The following COMMD10 variants were observed in gnomAD, a reference collection of about 807,000 sequenced individuals.
COMMD10 encodes COMM domain-containing protein 10.
COMMD10 carries 33 observed loss-of-function variants against 28.9 expected under a neutral mutation model. The ratio of observed to expected loss-of-function variants is 1.14; its 90% CI spans 0.87 to 1.53. The LOEUF is 1.53. Ranked by LOEUF, COMMD10 falls within the 40% of genes most tolerant of loss-of-function variation. COMMD10 has a pLI of 0.00. For synonymous variants in COMMD10, 110 were observed against 81.7 expected (o/e 1.35, Z -1.87); for missense variants, 310 against 233.4 (o/e 1.33, Z -2.14).
At chr5:116,168,590 C>G (rs1434721374) in intron 5 of COMMD10, among the ~76,000 whole-genome samples, 1 of 152,162 alleles carries the variant, frequency 6.6e-6, no homozygotes, top group South Asian at 2.1e-4. Context: ...GGAAGTAAAA[C>G]AGTCCTCAGC....
chr5:116,264,731 G>A (rs1231914098), intron 5 of COMMD10, among the ~76,000 whole-genome samples: 2 of 151,766 alleles, frequency 1.3e-5, no homozygotes, highest in African/African-American at 4.9e-5. Context: ...GCTTGATGGA[G>A]AGATATACCA....
chr5:116,086,867 C>G (rs1024227861), intron 1 of COMMD10, among the ~76,000 whole-genome samples: 1 of 151,964 alleles, frequency 6.6e-6, no homozygotes, highest in African/African-American at 2.4e-5. Flanking sequence ...GTTCTAGCTA[C>G]TTGGGAGGCT....
chr5:116,177,668 T>G (rs1753561134), intron 5 of COMMD10, among the ~76,000 whole-genome samples: 1 of 152,156 alleles, frequency 6.6e-6, no homozygotes, highest in African/African-American at 2.4e-5. Context: ...AAGCATCATT[T>G]TCTTCTCCTT....
At chr5:116,126,140 A>G (rs1580467267) in intron 4 of COMMD10, among the ~76,000 whole-genome samples, 1 of 145,932 alleles carries the variant, frequency 6.9e-6, no homozygotes, top group East Asian at 1.9e-4. Flanking sequence ...AATAACAAAC[A>G]GAGATCCAAA....
At chr5:116,120,315 T>A (rs777079784) in intron 4 of COMMD10, among the ~76,000 whole-genome samples, 1 of 152,032 alleles carries the variant, frequency 6.6e-6, no homozygotes, top group Non-Finnish European at 1.5e-5. Context: ...TGTGGTGGCA[T>A]GAGAATGATA....
intron 5 of COMMD10, among the ~76,000 whole-genome samples, chr5:116,176,960 G>GT (rs1211297061): frequency 2.0e-5 from 3 of 152,152 alleles, no homozygotes; most frequent in Admixed American, 2.0e-4. Context: ...CCCAAAGTTA[G>GT]AGTTCAGACC....
At chr5:116,188,703 T>G (rs1279927775) in intron 5 of COMMD10, among the ~76,000 whole-genome samples, 1 of 149,314 alleles carries the variant, frequency 6.7e-6, no homozygotes, top group African/African-American at 2.5e-5. Context: ...GGCACGATCT[T>G]GGCTCAGCTT....
chr5:116,092,645 C>T lies in COMMD10; in HGVS notation c.344C>T (p.Ser115Phe). The change falls in exon 4 of 7, where the codon TCT (serine) becomes TTT (phenylalanine). Residue 115 changes from serine (S) to phenylalanine (F), a missense_variant. Transcript: ENST00000274458. ...GAAGCATTTGTCAATACGTGGTCTT[C>T]TATGGGTCAAGAAACAGTTGAAAAG... Reference protein sequence around the residue: ...KAEAFVNTWSSMGQETVEKFR... With the variant: ...KAEAFVNTWSFMGQETVEKFR... The T allele has an allele frequency of 6.2e-7, 1 of 1,611,662 alleles. No homozygotes were observed. Among genetic ancestry groups the T allele is most frequent in the Non-Finnish European group, 8.5e-7 (1 of 1,178,782 alleles).
At chr5:116,140,303 A>G (rs2112780576) in intron 5 of COMMD10, among the ~76,000 whole-genome samples, 1 of 151,380 alleles carries the variant, frequency 6.6e-6, no homozygotes, top group South Asian at 2.1e-4. Context: ...ATGTACACAT[A>G]TGGACACATA....
chr5:116,197,277 C>T (rs1472045180), intron 5 of COMMD10, among the ~76,000 whole-genome samples: 1 of 147,736 alleles, frequency 6.8e-6, no homozygotes, highest in Non-Finnish European at 1.5e-5. Context: ...CCTAGGATAA[C>T]ATTTTTTACT....
Position 116,247,451 on chromosome 5 carries a change from G to A in COMMD10, c.511-44066G>A, listed in dbSNP as rs115836322. Reference sequence around the variant, plus strand: ...AACAGCAGAAATACCATTCAAGCCAGCAATCTCATTGCTGGGTATATACCC... The same window carrying A: ...AACAGCAGAAATACCATTCAAGCCAACAATCTCATTGCTGGGTATATACCC... On this transcript the variant is annotated intron_variant, in intron 5 of 6. Coordinates refer to ENST00000274458, the MANE Select transcript of COMMD10 (RefSeq NM_016144.4). Among the ~76,000 whole-genome samples the A allele has an allele frequency of 8.8e-3, 1,344 of 152,156 alleles. 15 individuals are homozygous for A. The highest frequency in any genetic ancestry group is 0.013 in the Admixed American group (191 of 15,256).
chr5:116,095,233 C>A (rs1036518446), intron 4 of COMMD10, among the ~76,000 whole-genome samples: 5 of 152,040 alleles, frequency 3.3e-5, no homozygotes, highest in African/African-American at 7.2e-5. Context: ...ATCTTAAATA[C>A]CCTGACATGA....
intron 5 of COMMD10, among the ~76,000 whole-genome samples, chr5:116,156,035 T>C (rs1277265717): frequency 6.6e-6 from 1 of 152,112 alleles, no homozygotes; most frequent in East Asian, 1.9e-4. Flanking sequence ...ATGTTAATAA[T>C]AATGTAGAGA....
intron 4 of COMMD10, among the ~76,000 whole-genome samples, chr5:116,107,471 G>T (rs1044674530): frequency 6.6e-6 from 1 of 151,980 alleles, no homozygotes; most frequent in Non-Finnish European, 1.5e-5. Context: ...TATCGATTCG[G>T]CTATTGATAC....
At chr5:116,190,982 C>G (rs1400653553) in intron 5 of COMMD10, among the ~76,000 whole-genome samples, 1 of 152,138 alleles carries the variant, frequency 6.6e-6, no homozygotes, top group Non-Finnish European at 1.5e-5. Context: ...AAGCACTTTT[C>G]TACATTTTAC....
At chr5:116,158,092 G>A (rs1241636224) in intron 5 of COMMD10, among the ~76,000 whole-genome samples, 1 of 149,144 alleles carries the variant, frequency 6.7e-6, no homozygotes, top group East Asian at 2.0e-4. Flanking sequence ...AGGCCTTCAA[G>A]CAGATGCCTG....
In COMMD10 at chr5:116,180,331, T is replaced by G. The variant is rs564223788; in HGVS notation, c.510+46153T>G. Among the ~76,000 whole-genome samples, 81 of 152,280 alleles carry G rather than the reference T, an allele frequency of 5.3e-4. 3 individuals are homozygous for G. The highest frequency in any genetic ancestry group is 3.4e-3 in the Middle Eastern group (1 of 294). On this transcript the variant is annotated intron_variant, in intron 5 of 6. Coordinates refer to ENST00000274458, the MANE Select transcript of COMMD10 (RefSeq NM_016144.4). ...TTTGTAATTGTCACTGATCCATTGC[T>G]TAGGATATATTTTAAAATATGTTCA...
At chr5:116,174,731 A>C (rs1016567882) in intron 5 of COMMD10, among the ~76,000 whole-genome samples, 1 of 152,152 alleles carries the variant, frequency 6.6e-6, no homozygotes, top group African/African-American at 2.4e-5. Flanking sequence ...TTACTTGCCT[A>C]TAGTTGTCTT....
At chr5:116,218,312 G>A in intron 5 of COMMD10, 2 of 701,716 alleles carry the variant, frequency 2.9e-6, no homozygotes, top group African/African-American at 1.7e-5. Context: ...GGCAGTGATG[G>A]TGGTGGGACA....
Sources: allele counts gnomAD v4.1 joint callset (sites outside exome capture counted in the v4.1 genomes callset), GRCh38; gene constraint gnomAD v4.1.1; transcripts MANE v1.5; gene names NCBI Gene and HGNC (gene_info 2026-07-23, HGNC 2026-07-21).